The following EML2 variants were observed in gnomAD, a reference collection of about 807,000 sequenced individuals.
EML2 encodes EMAP like 2.
Under a neutral mutation model 84.7 loss-of-function variants are expected in EML2, and 59 were observed. That is an observed-to-expected ratio of 0.70 (90% CI 0.56 to 0.86). The LOEUF is 0.86. EML2 is among the 40% of genes least tolerant of loss of function. The pLI, the probability that EML2 is intolerant of heterozygous loss-of-function variation, is 0.00. For synonymous variants in EML2, 352 were observed against 348.9 expected (o/e 1.01, Z -0.10); for missense variants, 818 against 855.6 (o/e 0.96, Z 0.55).
chr19:45,621,750 CTTTT>C, intron 9 of EML2, 113 bp from the exon 10 acceptor site: 28 of 994,060 alleles, frequency 2.8e-5, no homozygotes, highest in Middle Eastern at 2.3e-4. Flanking sequence ...ACTTTTCCAC[CTTTT>C]TTTTTTTTTT....
chr19:45,613,158 C>T (rs1568430127), intron 18 of EML2, among the ~76,000 whole-genome samples: 1 of 152,180 alleles, frequency 6.6e-6, no homozygotes, highest in Non-Finnish European at 1.5e-5. Flanking sequence ...CTCAGCTTTG[C>T]AAAGTGTTGC....
chr19:45,634,173 G>A (rs1002697028), intron 4 of EML2, 149 bp downstream of exon 4: 2 of 883,814 alleles, frequency 2.3e-6, no homozygotes, highest in South Asian at 1.7e-5. Flanking sequence ...TCAGCCTGAG[G>A]GCAGCTGGTG....
At chr19:45,609,838 A>G in intron 18 of EML2, 50 bp from the exon 19 acceptor site, 1 of 1,587,604 alleles carries the variant, frequency 6.3e-7, no homozygotes, top group Middle Eastern at 2.0e-4. Flanking sequence ...GGACAATGCC[A>G]CCCCATCATG....
chr19:45,610,152 CT>C (rs755413776), intron 18 of EML2, among the ~76,000 whole-genome samples: 1 of 152,082 alleles, frequency 6.6e-6, no homozygotes, highest in Non-Finnish European at 1.5e-5. Flanking sequence ...AATCCCAGCA[CT>C]TTGGGAGGCC....
intron 7 of EML2, among the ~76,000 whole-genome samples, chr19:45,627,824 G>A (rs1347713925): frequency 6.6e-6 from 1 of 152,132 alleles, no homozygotes; most frequent in Non-Finnish European, 1.5e-5. Context: ...CCCTTTGGGA[G>A]GCCAAGGCGG....
At chr19:45,618,344 G>C (rs1971317587) in intron 12 of EML2, among the ~76,000 whole-genome samples, 1 of 151,832 alleles carries the variant, frequency 6.6e-6, no homozygotes. Flanking sequence ...CCAAGTGCTG[G>C]GATTACAGGT....
chr19:45,616,375 C>T, intron 15 of EML2, 86 bp downstream of exon 15: 2 of 999,046 alleles, frequency 2.0e-6, no homozygotes, highest in Non-Finnish European at 3.0e-6. Flanking sequence ...AGTGTTGAAG[C>T]TGCGCTCCCT....
intron 9 of EML2, 33 bp downstream of exon 9, chr19:45,624,686 G>C (rs778134533): frequency 6.5e-7 from 1 of 1,547,652 alleles, no homozygotes; most frequent in South Asian, 1.1e-5. Flanking sequence ...CAGAAGACTG[G>C]ATTGGGAACC....
chr19:45,616,446 CCACTGCCCACT>C lies in EML2; in HGVS notation c.1509+4_1509+14del. ...GCGGGGTGGCGGCGCGGGCTGGGGG[CCACTGCCCACT>C]CACCGAGCACTTGCCCAGGCGGCTG... is the stretch of plus-strand genomic sequence containing the variant. On this transcript the variant is annotated splice_donor_5th_base_variant and intron_variant, in intron 15 of 18. Transcript: ENST00000245925. 6.4e-7 allele frequency: 1 copy of C among 1,571,086 alleles called. No individual in the cohort carries two copies. Among genetic ancestry groups the C allele is most frequent in the Non-Finnish European group, 8.7e-7 (1 of 1,152,076 alleles).
intron 6 of EML2, 120 bp downstream of exon 6, chr19:45,632,741 G>T: frequency 1.2e-6 from 1 of 820,408 alleles, no homozygotes; most frequent in African/African-American, 1.7e-5. Context: ...ACGTCACAGA[G>T]GCGGGCCACG....
intron 9 of EML2, 122 bp downstream of exon 9, chr19:45,624,597 G>A: frequency 5.8e-6 from 4 of 693,066 alleles, no homozygotes; most frequent in Non-Finnish European, 1.0e-5. Context: ...CCTTGACGAG[G>A]GTGTTGGAAT....
Position 45,639,396 on chromosome 19 carries a change from T to G in EML2, c.-20A>C, listed in dbSNP as rs1237314318. On this transcript the variant is annotated 5_prime_UTR_variant, in exon 1 of 19. Coordinates refer to ENST00000245925, the MANE Select transcript of EML2 (RefSeq NM_012155.4). ...ACTCATGGCGGCGGGTGGCGGAGCT[T>G]CGGGGCCGGGGGTGGAGCCGGGACC... The G allele has an allele frequency of 8.0e-7, 1 of 1,256,300 alleles. No individual in the cohort carries two copies. Among genetic ancestry groups the G allele is most frequent in the Non-Finnish European group, 1.0e-6 (1 of 993,298 alleles). The allele number at this position is 1,256,300 out of a possible 1,614,324, so 77.8% of individuals were successfully genotyped here.
intron 6 of EML2, among the ~76,000 whole-genome samples, chr19:45,630,577 A>G (rs1972916098): frequency 6.7e-6 from 1 of 149,386 alleles, no homozygotes; most frequent in African/African-American, 2.5e-5. Context: ...AAGACCTTCA[A>G]AGGCCCTGGC....
chr19:45,645,335 G>A (rs1974951214), upstream of EML2: 2 of 1,531,792 alleles, frequency 1.3e-6, no homozygotes, highest in East Asian at 2.5e-5. Flanking sequence ...GCCGCGCTCC[G>A]CCATCGCCCC....
intron 16 of EML2, 27 bp downstream of exon 16, chr19:45,615,775 A>G (rs1970982875): frequency 6.3e-7 from 1 of 1,587,888 alleles, no homozygotes; most frequent in African/African-American, 1.3e-5. Flanking sequence ...CGGAGGAAGT[A>G]ATGTCTCTGG....
rs1171431268 is a variant in EML2 at position 45,616,549 on chromosome 19, T to C, written c.1421A>G (p.Tyr474Cys). Residue 474 changes from tyrosine (Y) to cysteine (C), a missense_variant, in exon 15 of 19, where the codon TAC becomes TGC. Transcript: ENST00000245925. ...GTTGTCGTGGGAGCCCACGGCCAGGTACGCCCCGTCTGGGGGAGGGGGAGG... is the reference window on the plus strand; with the variant it reads ...GTTGTCGTGGGAGCCCACGGCCAGGCACGCCCCGTCTGGGGGAGGGGGAGG... ...SVVSFSPDGA[Y>C]LAVGSHDNLV... 2 of 1,610,068 alleles carry C rather than the reference T, an allele frequency of 1.2e-6. No individual in the cohort carries two copies. Among genetic ancestry groups the C allele is most frequent in the African/African-American group, 1.3e-5 (1 of 74,826 alleles).
chr19:45,639,142 GA>G (rs1297697297), intron 1 of EML2: 1 of 665,326 alleles, frequency 1.5e-6, no homozygotes, highest in Non-Finnish European at 2.6e-6. Flanking sequence ...AGTCACCAAG[GA>G]CCCTTCCCTC....
chr19:45,616,488 G>A lies in EML2; in HGVS notation c.1482C>T (p.Arg494=). 1 of 1,594,404 alleles carries A rather than the reference G, an allele frequency of 6.3e-7. No homozygotes were observed. Among genetic ancestry groups the A allele is most frequent in the South Asian group, 1.1e-5 (1 of 90,522 alleles). Reference sequence around the variant, plus strand: ...AGCACTTGCCCAGGCGGCTGACCTTGCGGCCGCCCTGGTCCACCGTGTACA... The same window carrying A: ...AGCACTTGCCCAGGCGGCTGACCTTACGGCCGCCCTGGTCCACCGTGTACA... ...VYVYTVDQGG[R]KVSRLGKCSG... Residue 494 remains arginine (R), a synonymous_variant, in exon 15 of 19, where the codon CGC becomes CGT. Transcript: ENST00000245925.
intron 17 of EML2, 88 bp downstream of exon 17, chr19:45,614,517 G>A: frequency 8.9e-7 from 1 of 1,126,274 alleles, no homozygotes; most frequent in South Asian, 1.3e-5. Flanking sequence ...CCACACTGGA[G>A]GTAAGCAGTA....
Sources: gnomAD v4.1 joint callset for allele counts (sites outside exome capture counted in the v4.1 genomes callset) on GRCh38, gnomAD v4.1.1 for gene constraint, MANE v1.5 for transcripts, NCBI Gene and HGNC (gene_info 2026-07-23, HGNC 2026-07-21) for gene names.